Variants in KHDRBS3 observed in about 807,000 individuals in gnomAD.
The protein encoded by KHDRBS3 is KH RNA binding domain containing, signal transduction associated 3.
KHDRBS3 carries 23 observed loss-of-function variants against 45.6 expected under a neutral mutation model. That is an observed-to-expected ratio of 0.50 (90% CI 0.36 to 0.72). The LOEUF is 0.72. Among genes scored for constraint, KHDRBS3 ranks in the 30% least tolerant of loss-of-function variants. The pLI, the probability that KHDRBS3 is intolerant of heterozygous loss-of-function variation, is 0.00. For synonymous variants in KHDRBS3, 162 were observed against 156.5 expected, an observed-to-expected ratio of 1.04 and a Z score of -0.26; for missense variants, 352 against 424.8, an observed-to-expected ratio of 0.83 and a Z score of 1.51.
chr8:135,471,566 A>C (rs969161920), intron 1 of KHDRBS3, among the ~76,000 whole-genome samples: 1 of 152,192 alleles, frequency 6.6e-6, no homozygotes, highest in African/African-American at 2.4e-5. Flanking sequence ...TAATAAAGAC[A>C]AGTGCACACG....
In KHDRBS3 at chr8:135,638,751, C is replaced by T. The variant is rs190617933; in HGVS notation, c.891-6308C>T. Among the ~76,000 whole-genome samples the T allele has an allele frequency of 4.8e-3, 729 of 152,232 alleles. 2 individuals are homozygous for T. The highest frequency in any genetic ancestry group is 0.017 in the African/African-American group (700 of 41,552). ...CATCACGAGGTCAGGAGATTGAGAC[C>T]ATCCTGGCCAACATGGTGAAACCCT... On this transcript the variant is annotated intron_variant, in intron 7 of 8. Transcript: ENST00000355849.
At chr8:135,472,355 C>G (rs1237848146) in intron 1 of KHDRBS3, among the ~76,000 whole-genome samples, 2 of 152,156 alleles carry the variant, frequency 1.3e-5, no homozygotes, top group Non-Finnish European at 2.9e-5. Flanking sequence ...CTCCCAGACA[C>G]CAGACACACG....
At chr8:135,612,210 A>C (rs532308376) in intron 7 of KHDRBS3, among the ~76,000 whole-genome samples, 1 of 151,710 alleles carries the variant, frequency 6.6e-6, no homozygotes, top group Non-Finnish European at 1.5e-5. Context: ...CATGGTTTTG[A>C]TTACAGTTGC....
chr8:135,526,471 C>A (rs919680392), intron 2 of KHDRBS3, among the ~76,000 whole-genome samples: 1 of 152,076 alleles, frequency 6.6e-6, no homozygotes, highest in Admixed American at 6.5e-5. Context: ...AATATTTCTG[C>A]TTAGCATAAT....
chr8:135,494,267 TC>T (rs1823304368), intron 1 of KHDRBS3, among the ~76,000 whole-genome samples: 1 of 139,272 alleles, frequency 7.2e-6, no homozygotes, highest in Non-Finnish European at 1.5e-5. Flanking sequence ...CTCTTCTGTT[TC>T]TCTTATTTTT....
chr8:135,521,512 A>G (rs1443407466), intron 2 of KHDRBS3, among the ~76,000 whole-genome samples, 157 bp downstream of exon 2: 1 of 152,178 alleles, frequency 6.6e-6, no homozygotes, highest in African/African-American at 2.4e-5. Flanking sequence ...AAATTTATTC[A>G]TTCTGTCTTT....
chr8:135,601,335 C>G (rs145272335), intron 6 of KHDRBS3, among the ~76,000 whole-genome samples: 54 of 152,234 alleles, frequency 3.5e-4, no homozygotes, highest in African/African-American at 1.2e-3. Flanking sequence ...TGTATGCAGC[C>G]CAGTAATGGA....
chr8:135,503,142 CT>C (rs1469535139), intron 1 of KHDRBS3, among the ~76,000 whole-genome samples: 2 of 152,136 alleles, frequency 1.3e-5, no homozygotes, highest in Non-Finnish European at 2.9e-5. Flanking sequence ...GTGTGATGTA[CT>C]TTTAGGACAG....
intron 1 of KHDRBS3, among the ~76,000 whole-genome samples, chr8:135,515,559 A>C (rs1426301565): frequency 6.6e-6 from 1 of 151,868 alleles, no homozygotes; most frequent in South Asian, 2.1e-4. Context: ...TATCATAGAT[A>C]TATTTACCCT....
chr8:135,638,532 C>G (rs1405484327), intron 7 of KHDRBS3, among the ~76,000 whole-genome samples: 1 of 152,274 alleles, frequency 6.6e-6, no homozygotes, highest in East Asian at 1.9e-4. Flanking sequence ...GGAAAACTAA[C>G]ACCTTGAATA....
intron 1 of KHDRBS3, among the ~76,000 whole-genome samples, chr8:135,469,522 GGT>G (rs1240340177): frequency 0.028 from 579 of 20,774 alleles, 16 homozygotes; most frequent in African/African-American, 0.079. Context: ...TTTTTGTTTT[GGT>G]TTTTTTTTTT....
chr8:135,656,513 T>C (rs191962541), exon 5 of KHDRBS3: 38 of 152,318 alleles, frequency 2.5e-4, no homozygotes, highest in Admixed American at 1.5e-3. Context: ...TCTTCTACTT[T>C]AAACCTAGAA....
At chr8:135,609,493 C>T (rs1829620782) in intron 7 of KHDRBS3, among the ~76,000 whole-genome samples, 1 of 152,024 alleles carries the variant, frequency 6.6e-6, no homozygotes, top group Non-Finnish European at 1.5e-5. Flanking sequence ...TGGGGTTTCG[C>T]CATGTTGCTC....
At chr8:135,491,759 AGAC>A (rs1231994911) in intron 1 of KHDRBS3, among the ~76,000 whole-genome samples, 1 of 152,176 alleles carries the variant, frequency 6.6e-6, no homozygotes, top group African/African-American at 2.4e-5. Context: ...TTTTATAATA[AGAC>A]AACGTTGTTT....
chr8:135,563,644 A>G (rs963432423), intron 5 of KHDRBS3, among the ~76,000 whole-genome samples: 2 of 152,244 alleles, frequency 1.3e-5, no homozygotes, highest in East Asian at 3.8e-4. Flanking sequence ...AAAGTGCTGT[A>G]GCACATTCTT....
In KHDRBS3 at chr8:135,557,392, A is replaced by G; in HGVS notation, c.472-56A>G. The G allele has an allele frequency of 3.5e-6, 4 of 1,129,670 alleles. No individual in the cohort carries two copies. The South Asian group carries it at 6.0e-5, about 17-fold the overall frequency. The allele number at this position is 1,129,670 out of a possible 1,614,324, so 70.0% of individuals were successfully genotyped here. A position where few individuals can be genotyped will look rare whatever the true frequency, so the allele number is the denominator to read the frequency against. ...AAGAATTACTTGCTTTTTGTTCTAA[A>G]TATTTTTGCATTTCTAATATGAAGT... On this transcript the variant is annotated intron_variant, in intron 4 of 8. Coordinates refer to ENST00000355849, the MANE Select transcript of KHDRBS3 (RefSeq NM_006558.3).
chr8:135,545,963 C>A lies in KHDRBS3; in HGVS notation c.325-2791C>A, dbSNP rs1239583868. On this transcript the variant is annotated intron_variant, in intron 3 of 8. Coordinates refer to ENST00000355849, the MANE Select transcript of KHDRBS3 (RefSeq NM_006558.3). ...GACCAGCCTGGCCAACATGGTGAAA[C>A]CCCATCTATACTAAAAATATAAAAA... is the stretch of plus-strand genomic sequence containing the variant. Among the ~76,000 whole-genome samples, 7 of 152,010 alleles carry A rather than the reference C, an allele frequency of 4.6e-5. No individual in the cohort carries two copies. In the East Asian group the frequency reaches 1.4e-3, roughly 29 times the overall value.
intron 1 of KHDRBS3, among the ~76,000 whole-genome samples, chr8:135,519,651 A>G (rs190790274): frequency 6.6e-6 from 1 of 152,350 alleles, no homozygotes; most frequent in Admixed American, 6.5e-5. Flanking sequence ...AAGAACCTGC[A>G]TCCTAACTGA....
At chr8:135,476,756 C>T (rs16905374) in intron 1 of KHDRBS3, among the ~76,000 whole-genome samples, 8,935 of 152,152 alleles carry the variant, frequency 0.059, 351 homozygotes, top group African/African-American at 0.11. Flanking sequence ...GGCTCTGTAG[C>T]TCATGGCCTC....
Sources: allele counts gnomAD v4.1 joint callset (sites outside exome capture counted in the v4.1 genomes callset), GRCh38; gene constraint gnomAD v4.1.1; transcripts MANE v1.5; gene names NCBI Gene and HGNC (gene_info 2026-07-23, HGNC 2026-07-21).